FGGY: variants seen among roughly 807,000 people sequenced by gnomAD.
FGGY encodes the protein FGGY carbohydrate kinase domain containing.
A neutral mutation model predicts 71.3 loss-of-function variants in FGGY; 72 were observed. The ratio of observed to expected loss-of-function variants is 1.01; its 90% CI spans 0.84 to 1.23. The LOEUF (loss-of-function observed/expected upper bound fraction) is 1.23, where lower values mean the gene tolerates loss of function less well. Among genes scored for constraint, FGGY ranks in the 50% most tolerant of loss-of-function variants. The probability of loss-of-function intolerance (pLI) is 0.00; values close to 1 mark genes in which losing one functional copy is unlikely to be tolerated. For synonymous variants in FGGY, 251 were observed against 250.3 expected, an observed-to-expected ratio of 1.00 and a Z score of -0.02; for missense variants, 668 against 682.3, an observed-to-expected ratio of 0.98 and a Z score of 0.23.
At chr1:59,596,797 A>G (rs1412349159) in intron 8 of FGGY, among the ~76,000 whole-genome samples, 3 of 152,158 alleles carry the variant, frequency 2.0e-5, no homozygotes, top group Non-Finnish European at 4.4e-5. Context: ...GTGCTGGCAC[A>G]TGTACCGCCG....
At chr1:59,504,018 A>G (rs542099073) in intron 6 of FGGY, among the ~76,000 whole-genome samples, 2 of 152,290 alleles carry the variant, frequency 1.3e-5, no homozygotes, top group East Asian at 3.9e-4. Flanking sequence ...CTGAGCAGAT[A>G]GTCCTTGCTG....
chr1:59,634,279 C>CA (rs2096935386), intron 10 of FGGY, among the ~76,000 whole-genome samples: 1 of 152,010 alleles, frequency 6.6e-6, no homozygotes. Context: ...TGGTGGCACA[C>CA]GCCTGTAGTC....
chr1:59,698,025 C>T (rs1030603475), intron 14 of FGGY, among the ~76,000 whole-genome samples: 2 of 151,866 alleles, frequency 1.3e-5, no homozygotes, highest in East Asian at 1.9e-4. Flanking sequence ...TCTTTTTTTT[C>T]CTTCTGATTG....
chr1:59,762,445 G>A (rs2098350799), intron 15 of FGGY, 58 bp from the exon 16 acceptor site: 5 of 1,312,910 alleles, frequency 3.8e-6, no homozygotes, highest in Non-Finnish European at 4.3e-6. Flanking sequence ...AATGTACAGG[G>A]AAGCCCTGTG....
chr1:59,371,120 T>A (rs1406521884), intron 4 of FGGY, among the ~76,000 whole-genome samples: 1 of 152,156 alleles, frequency 6.6e-6, no homozygotes, highest in East Asian at 1.9e-4. Flanking sequence ...GCAAGTTGGA[T>A]AAAGAGTCAA....
At chr1:59,747,363 A>G (rs2098208209) in intron 14 of FGGY, among the ~76,000 whole-genome samples, 1 of 152,206 alleles carries the variant, frequency 6.6e-6, no homozygotes, top group African/African-American at 2.4e-5. Context: ...TGATGGCCTT[A>G]CCTAGTATAA....
intron 14 of FGGY, among the ~76,000 whole-genome samples, chr1:59,687,345 C>T (rs2097551686): frequency 6.6e-6 from 1 of 152,234 alleles, no homozygotes; most frequent in Non-Finnish European, 1.5e-5. Flanking sequence ...GCTCTAGTCA[C>T]ACCACTGCCT....
Position 59,320,084 on chromosome 1 carries a change from A to G in FGGY, c.-14-1452A>G, listed in dbSNP as rs75557536. Among the ~76,000 whole-genome samples the G allele has an allele frequency of 2.6e-5, 4 of 152,338 alleles. No individual in the cohort carries two copies. The East Asian group carries it at 7.7e-4, about 29-fold the overall frequency. Reference sequence around the variant, plus strand: ...GGGAGAGAAGTTGAGGTTACACACCAGTGGAGGTCTGATGAAGCTCCTATG... The same window carrying G: ...GGGAGAGAAGTTGAGGTTACACACCGGTGGAGGTCTGATGAAGCTCCTATG... On this transcript the variant is annotated intron_variant, in intron 1 of 15. Coordinates refer to ENST00000303721, the MANE Select transcript of FGGY (RefSeq NM_018291.5).
At chr1:59,340,472 T>C (rs2050445672) in intron 3 of FGGY, among the ~76,000 whole-genome samples, 1 of 152,150 alleles carries the variant, frequency 6.6e-6, no homozygotes, top group Admixed American at 6.5e-5. Context: ...GCCAAGTCCT[T>C]TGAAAGGAAA....
At chr1:59,536,985 A>G (rs949876049) in intron 7 of FGGY, among the ~76,000 whole-genome samples, 6 of 152,030 alleles carry the variant, frequency 3.9e-5, no homozygotes, top group African/African-American at 1.5e-4. Flanking sequence ...TAGTGTTGGA[A>G]GTTCTGGCCA....
At chr1:59,394,036 T>TAGTG (rs1205927633) in intron 5 of FGGY, among the ~76,000 whole-genome samples, 3 of 152,208 alleles carry the variant, frequency 2.0e-5, no homozygotes, top group African/African-American at 2.4e-5. Flanking sequence ...AAGGTCTGCG[T>TAGTG]AGTGTCTCTT....
At chr1:59,693,291 TCA>T (rs1444815090) in intron 14 of FGGY, among the ~76,000 whole-genome samples, 1 of 152,246 alleles carries the variant, frequency 6.6e-6, no homozygotes, top group African/African-American at 2.4e-5. Flanking sequence ...ATGCTCAGCC[TCA>T]GTTTTCTATC....
chr1:59,390,091 A>G (rs2060521240), intron 5 of FGGY, among the ~76,000 whole-genome samples: 1 of 152,182 alleles, frequency 6.6e-6, no homozygotes, highest in Non-Finnish European at 1.5e-5. Context: ...GGAAGGATTC[A>G]GTCATCCTCT....
intron 14 of FGGY, among the ~76,000 whole-genome samples, chr1:59,720,154 C>T (rs867321833): frequency 6.6e-6 from 1 of 152,174 alleles, no homozygotes; most frequent in Non-Finnish European, 1.5e-5. Context: ...GATACCTTCT[C>T]TCATTATGTG....
At chr1:59,718,470 C>A (rs1408993862) in intron 14 of FGGY, among the ~76,000 whole-genome samples, 3 of 152,150 alleles carry the variant, frequency 2.0e-5, no homozygotes, top group African/African-American at 7.2e-5. Context: ...CTTGCAGTTC[C>A]TACAGAGCCT....
chr1:59,719,801 A>C (rs1364587617), intron 14 of FGGY, among the ~76,000 whole-genome samples: 1 of 152,226 alleles, frequency 6.6e-6, no homozygotes, highest in East Asian at 1.9e-4. Flanking sequence ...GCAAGTTGGC[A>C]GAAATTATAA....
chr1:59,462,271 C>T (rs1433167983), intron 6 of FGGY, among the ~76,000 whole-genome samples: 2 of 152,144 alleles, frequency 1.3e-5, no homozygotes, highest in African/African-American at 4.8e-5. Context: ...AAAGCTGAAA[C>T]TGGATCCCTT....
intron 6 of FGGY, among the ~76,000 whole-genome samples, chr1:59,465,610 A>G (rs1240568560): frequency 6.6e-6 from 1 of 152,218 alleles, no homozygotes; most frequent in African/African-American, 2.4e-5. Flanking sequence ...AGAAAACTCC[A>G]TTGTCTCAGA....
chr1:59,528,206 G>A (rs1486030155), intron 7 of FGGY, among the ~76,000 whole-genome samples: 11 of 152,168 alleles, frequency 7.2e-5, no homozygotes, highest in Non-Finnish European at 1.3e-4. Context: ...TTGAAAGACT[G>A]CATTTTAAAT....
Sources: allele counts gnomAD v4.1 joint callset (sites outside exome capture counted in the v4.1 genomes callset), GRCh38; gene constraint gnomAD v4.1.1; transcripts MANE v1.5; gene names NCBI Gene and HGNC (gene_info 2026-07-23, HGNC 2026-07-21).